RFT1: variants seen among roughly 807,000 people sequenced by gnomAD.
The protein encoded by RFT1 is RFT1 glycolipid translocator homolog, also known as man(5)GlcNAc(2)-PP-dolichol translocation protein RFT1.
In RFT1, 43 loss-of-function variants were observed where a neutral mutation model predicts 62.2. That is an observed-to-expected ratio of 0.69 (90% CI 0.54 to 0.89). The LOEUF (loss-of-function observed/expected upper bound fraction) is 0.89. Among genes scored for constraint, RFT1 ranks in the 40% least tolerant of loss-of-function variants. The pLI, the probability that RFT1 is intolerant of heterozygous loss-of-function variation, is 0.00. For missense variants in RFT1, 605 were observed against 649.9 expected (o/e 0.93, Z 0.75); for synonymous variants, 262 against 264.6 (o/e 0.99, Z 0.10).
chr3:53,100,513 C>G (rs1258901880), intron 10 of RFT1, among the ~76,000 whole-genome samples: 2 of 152,110 alleles, frequency 1.3e-5, no homozygotes, highest in Non-Finnish European at 2.9e-5. Context: ...TTCATAATAG[C>G]CAAAACTGAC....
At position 53,090,110 on chromosome 3, in the gene RFT1, C is replaced by G. The variant is rs1157504322; in HGVS notation, c.*1793G>C. The stretch of plus-strand genomic sequence containing the variant: ...TCCTGGGAGACACAGACCCTGAAGG[C>G]CTGGAGTGGGTCCTGGGAAGCCATG... On this transcript the variant is annotated 3_prime_UTR_variant, in exon 13 of 13. Transcript: ENST00000296292. The G allele has an allele frequency of 6.5e-6, 1 of 152,706 alleles. No individual in the cohort carries two copies. Among genetic ancestry groups the G allele is most frequent in the Non-Finnish European group, 1.5e-5 (1 of 68,080 alleles). 9.5% of individuals were successfully genotyped at this position (152,706 alleles called of 1,614,324 possible). A position where few individuals can be genotyped will look rare whatever the true frequency, so the allele number is the denominator to read the frequency against.
chr3:53,096,318 A>C (rs2107083228), intron 11 of RFT1, among the ~76,000 whole-genome samples: 1 of 152,244 alleles, frequency 6.6e-6, no homozygotes, highest in African/African-American at 2.4e-5. Flanking sequence ...CAAAACAACA[A>C]AAATTCTTCA....
At position 53,127,280 on chromosome 3, in the gene RFT1, TTCTA is replaced by T. The variant is rs1344276107; in HGVS notation, c.64-1290_64-1287del. Reference sequence around the variant, plus strand: ...AAAAATACAATTCACCATTTAGCTCTTCTATCTGTTATCTTCTAATTGTTATAAG... The same window carrying T: ...AAAAATACAATTCACCATTTAGCTCTTCTGTTATCTTCTAATTGTTATAAG... On this transcript the variant is annotated intron_variant, in intron 1 of 12. Coordinates refer to ENST00000296292, the MANE Select transcript of RFT1 (RefSeq NM_052859.4). Among the ~76,000 whole-genome samples, 4 of 152,180 alleles carry T rather than the reference TTCTA, an allele frequency of 2.6e-5. 1 individual carries two copies. Among genetic ancestry groups the T allele is most frequent in the African/African-American group, 7.2e-5 (3 of 41,432 alleles).
At chr3:53,079,006 A>T in the RFT1 span, among the ~76,000 whole-genome samples, 1 of 152,242 alleles carries the variant, frequency 6.6e-6, no homozygotes, top group Non-Finnish European at 1.5e-5. Context: ...CAGGGCTGGG[A>T]TCGGAATACA....
downstream of RFT1, among the ~76,000 whole-genome samples, chr3:53,086,185 T>C (rs1174682874): frequency 6.6e-6 from 1 of 152,232 alleles, no homozygotes; most frequent in African/African-American, 2.4e-5. Flanking sequence ...TAATTTTTCG[T>C]CTGCATCTGA....
chr3:53,111,929 A>G (rs1701665033), intron 6 of RFT1, 21 bp from the exon 7 acceptor site: 2 of 1,581,646 alleles, frequency 1.3e-6, no homozygotes, highest in Non-Finnish European at 8.7e-7. Context: ...AAACAAAACA[A>G]AACAAAAACA....
At chr3:53,121,908 CAGGG>C in intron 4 of RFT1, 108 bp from the exon 5 acceptor site, 1 of 846,160 alleles carries the variant, frequency 1.2e-6, no homozygotes, top group Non-Finnish European at 1.9e-6. Flanking sequence ...GCTGTGGGGG[CAGGG>C]CACACAGCTG....
At chr3:53,084,587 A>G (rs777509287), downstream of RFT1, among the ~76,000 whole-genome samples, 9 of 152,200 alleles carry the variant, frequency 5.9e-5, no homozygotes, top group Non-Finnish European at 1.0e-4. Context: ...GACTGCGATG[A>G]CAGCTCCCGA....
intron 2 of RFT1, 119 bp from the exon 3 acceptor site, chr3:53,123,959 T>G (rs983148777): frequency 1.6e-5 from 12 of 769,930 alleles, no homozygotes; most frequent in Non-Finnish European, 2.7e-5. Context: ...GGTGGTGATG[T>G]GGAAGGCAGT....
chr3:53,078,401 C>T, the RFT1 span, among the ~76,000 whole-genome samples: 4 of 152,162 alleles, frequency 2.6e-5, no homozygotes, highest in Non-Finnish European at 4.4e-5. Flanking sequence ...ACATAAAATA[C>T]ATAATATCAG....
At chr3:53,103,341 C>T (rs1205924753) in intron 10 of RFT1, 3 of 940,442 alleles carry the variant, frequency 3.2e-6, no homozygotes, top group African/African-American at 3.5e-5. Flanking sequence ...CAGCCCAGCA[C>T]ATTTTGAAAT....
intron 9 of RFT1, 118 bp from the exon 10 acceptor site, chr3:53,104,215 T>C: frequency 4.0e-6 from 4 of 992,064 alleles, no homozygotes; most frequent in Non-Finnish European, 4.5e-6. Flanking sequence ...AACAGCGTGA[T>C]GGATATCACT....
chr3:53,082,402 G>A, the RFT1 span, among the ~76,000 whole-genome samples: 2 of 152,194 alleles, frequency 1.3e-5, no homozygotes, highest in Non-Finnish European at 2.9e-5. Flanking sequence ...TTGAACCTGG[G>A]AGGTGGAGGT....
chr3:53,130,222 T>G lies in RFT1; in HGVS notation c.63+116A>C, dbSNP rs571269952. 2.0e-5 allele frequency: 21 copies of G among 1,039,862 alleles called. No homozygotes were observed. The African/African-American group carries it at 3.2e-4, about 16-fold the overall frequency. 64.4% of individuals were successfully genotyped at this position (1,039,862 alleles called of 1,614,324 possible). ...CGGTCGACCCCCCCACCCCCTCCATTGCGGGGTCCACCTCGGGACTGGGTC... is the reference window on the plus strand; with the variant it reads ...CGGTCGACCCCCCCACCCCCTCCATGGCGGGGTCCACCTCGGGACTGGGTC... On this transcript the variant is annotated intron_variant, in intron 1 of 12. Coordinates refer to ENST00000296292, the MANE Select transcript of RFT1 (RefSeq NM_052859.4).
the RFT1 span, among the ~76,000 whole-genome samples, chr3:53,074,337 T>C: frequency 3.9e-5 from 6 of 152,236 alleles, no homozygotes; most frequent in African/African-American, 1.2e-4. Context: ...TAATTCTTTA[T>C]GTCACTCCAT....
At chr3:53,108,931 A>G (rs1011992636) in intron 7 of RFT1, among the ~76,000 whole-genome samples, 3 of 152,140 alleles carry the variant, frequency 2.0e-5, no homozygotes, top group Admixed American at 6.5e-5. Context: ...GGCCTCCCAC[A>G]GTGCTGGGAT....
At chr3:53,097,038 C>T (rs181197186) in intron 11 of RFT1, among the ~76,000 whole-genome samples, 1 of 152,276 alleles carries the variant, frequency 6.6e-6, no homozygotes. Flanking sequence ...AGCCACCGTG[C>T]CCGGCCCAAA....
intron 1 of RFT1, among the ~76,000 whole-genome samples, chr3:53,126,641 G>T (rs925687552): frequency 6.6e-6 from 1 of 152,166 alleles, no homozygotes; most frequent in African/African-American, 2.4e-5. Context: ...TGTAACATGG[G>T]GGGAAGGGAG....
intron 1 of RFT1, among the ~76,000 whole-genome samples, chr3:53,130,014 C>G (rs1366710534): frequency 1.3e-5 from 2 of 152,196 alleles, no homozygotes; most frequent in Non-Finnish European, 2.9e-5. Context: ...TGAAAAATAT[C>G]AGATTCTCGA....
Sources: allele counts gnomAD v4.1 joint callset (sites outside exome capture counted in the v4.1 genomes callset), GRCh38; gene constraint gnomAD v4.1.1; transcripts MANE v1.5; gene names NCBI Gene and HGNC (gene_info 2026-07-23, HGNC 2026-07-21).